CLASP2: variants seen among roughly 807,000 people sequenced by gnomAD.
CLASP2 encodes the protein cytoplasmic linker associated protein 2, also known as CLIP-associating protein 2.
In CLASP2, 47 loss-of-function variants were observed where a neutral mutation model predicts 194.4. That is an observed-to-expected ratio of 0.24 (90% CI 0.19 to 0.31). The LOEUF (loss-of-function observed/expected upper bound fraction) is 0.31, where lower values mean the gene tolerates loss of function less well. Ranked by LOEUF, CLASP2 falls within the 10% of genes least tolerant of loss-of-function variation. The pLI is 1.00. For missense variants in CLASP2, 1,445 were observed against 1,823.6 expected, an observed-to-expected ratio of 0.79 and a Z score of 3.78; for synonymous variants, 619 against 633.5, an observed-to-expected ratio of 0.98 and a Z score of 0.34.
At position 33,496,250 on chromosome 3, in the gene CLASP2, C is replaced by A. The variant is rs1038372474; in HGVS notation, c.*2381G>T. 6.6e-6 allele frequency: 1 copy of A among 152,128 alleles called. No homozygotes were observed. The highest frequency in any genetic ancestry group is 2.4e-5 in the African/African-American group (1 of 41,434). 9.4% of individuals were successfully genotyped at this position (152,128 alleles called of 1,614,324 possible). ...ACCCAGAAGAAATAAACATGTTTTA[C>A]AATCTGGAATATATAATTTTAATTA... On this transcript the variant is annotated 3_prime_UTR_variant, in exon 39 of 39. Coordinates refer to ENST00000682230, the MANE Select transcript of CLASP2 (RefSeq NM_001365631.1).
intron 6 of CLASP2, among the ~76,000 whole-genome samples, chr3:33,672,650 C>T (rs1482135436): frequency 6.6e-6 from 1 of 152,054 alleles, no homozygotes. Flanking sequence ...TTATGAGCTA[C>T]AGGAGGAAAT....
At chr3:33,716,715 T>C (rs1439571635) in intron 1 of CLASP2, among the ~76,000 whole-genome samples, 1 of 152,184 alleles carries the variant, frequency 6.6e-6, no homozygotes, top group African/African-American at 2.4e-5. Context: ...AATCAAGAGA[T>C]GGTATGTAAT....
intron 37 of CLASP2, among the ~76,000 whole-genome samples, chr3:33,508,856 T>A (rs967174656): frequency 6.6e-6 from 1 of 152,226 alleles, no homozygotes; most frequent in Admixed American, 6.5e-5. Flanking sequence ...TAAAATTTGA[T>A]GTATTTTAAT....
intron 7 of CLASP2, chr3:33,659,767 C>CA (rs1169596097): frequency 6.6e-6 from 1 of 152,222 alleles, no homozygotes. Flanking sequence ...CAACCATCAG[C>CA]ACATTGTCAA....
chr3:33,692,257 G>T (rs2091435462), intron 2 of CLASP2, among the ~76,000 whole-genome samples: 1 of 152,088 alleles, frequency 6.6e-6, no homozygotes, highest in African/African-American at 2.4e-5. Flanking sequence ...TATAATTTGA[G>T]GTGTTTGAGT....
At chr3:33,677,632 C>G (rs2088987974) in intron 6 of CLASP2, among the ~76,000 whole-genome samples, 1 of 149,440 alleles carries the variant, frequency 6.7e-6, no homozygotes, top group African/African-American at 2.5e-5. Context: ...TGCAGCACAC[C>G]AGCATGTCAC....
intron 6 of CLASP2, among the ~76,000 whole-genome samples, chr3:33,670,281 A>G (rs545546351): frequency 6.6e-6 from 1 of 152,152 alleles, no homozygotes; most frequent in Non-Finnish European, 1.5e-5. Context: ...AAACATTTAA[A>G]AGGATTTGAA....
chr3:33,625,807 T>C (rs1277385294), intron 10 of CLASP2, among the ~76,000 whole-genome samples: 1 of 151,984 alleles, frequency 6.6e-6, no homozygotes, highest in South Asian at 2.1e-4. Context: ...CAAAAGTTTG[T>C]TTCTTTAATA....
At chr3:33,662,101 T>C (rs1031370651) in intron 7 of CLASP2, among the ~76,000 whole-genome samples, 3 of 152,176 alleles carry the variant, frequency 2.0e-5, no homozygotes, top group South Asian at 4.1e-4. Flanking sequence ...TCCCTGTTTA[T>C]GGAGTGATAA....
At chr3:33,651,373 A>G (rs1559532360) in intron 7 of CLASP2, among the ~76,000 whole-genome samples, 1 of 132,922 alleles carries the variant, frequency 7.5e-6, no homozygotes, top group Non-Finnish European at 1.6e-5. Flanking sequence ...ACAGAGCGAG[A>G]TCCTGTCTCA....
At position 33,704,195 on chromosome 3, in the gene CLASP2, TAGAG is replaced by T. The variant is rs111873332; in HGVS notation, c.196-7266_196-7263del. Among the ~76,000 whole-genome samples the T allele has an allele frequency of 7.2e-3, 1,101 of 152,292 alleles. 13 individuals are homozygous for T. Among genetic ancestry groups the T allele is most frequent in the African/African-American group, 0.025 (1,041 of 41,554 alleles). On this transcript the variant is annotated intron_variant, in intron 1 of 38. Transcript: ENST00000682230. ...CAAAACCTATAGCATGTACAACACT[TAGAG>T]TGAAGCCTAATGTAAACTGTGGACC...
At position 33,684,374 on chromosome 3, in the gene CLASP2, C is replaced by T. The variant is rs78304223; in HGVS notation, c.629G>A (p.Gly210Glu). Reference sequence around the variant, plus strand: ...CAAGACTTACCTAGCAGGGGGAATTCCTCTCTTATAAAGATCCATCCTCAC... The same window carrying T: ...CAAGACTTACCTAGCAGGGGGAATTTCTCTCTTATAAAGATCCATCCTCAC... ...EKVRMDLYKR[G>E]IPPARLEMIF... Residue 210 changes from glycine (G) to glutamate (E), a missense_variant, in exon 6 of 39, where the codon GGA becomes GAA. By Grantham distance (98) the Gly-to-Glu change is moderately conservative (BLOSUM62 -2). Transcript: ENST00000682230. 8.7e-3 allele frequency: 13,833 copies of T among 1,585,672 alleles called. 88 individuals carry two copies. The highest frequency in any genetic ancestry group is 1.0e-2 in the Non-Finnish European group (11,663 of 1,166,506).
intron 6 of CLASP2, among the ~76,000 whole-genome samples, chr3:33,673,379 G>A (rs1575481650): frequency 6.6e-6 from 1 of 152,126 alleles, no homozygotes; most frequent in Admixed American, 6.5e-5. Context: ...ATACTTTACA[G>A]ACAAGCAAAT....
chr3:33,634,871 C>T (rs992770452), intron 8 of CLASP2, among the ~76,000 whole-genome samples: 5 of 152,012 alleles, frequency 3.3e-5, no homozygotes, highest in Non-Finnish European at 5.9e-5. Context: ...ATACAAAAAT[C>T]GATTTCATTG....
intron 18 of CLASP2, among the ~76,000 whole-genome samples, chr3:33,600,816 G>A (rs1047089757): frequency 1.3e-5 from 2 of 151,940 alleles, no homozygotes; most frequent in African/African-American, 4.8e-5. Context: ...TGCTAATAAC[G>A]TTATTAAAAA....
intron 10 of CLASP2, among the ~76,000 whole-genome samples, chr3:33,626,331 T>G (rs1391964504): frequency 6.6e-6 from 1 of 152,118 alleles, no homozygotes; most frequent in East Asian, 1.9e-4. Flanking sequence ...TCTTGAAAAC[T>G]CTGAGGTACT....
At chr3:33,665,277 A>G (rs1266128347) in intron 6 of CLASP2, among the ~76,000 whole-genome samples, 1 of 152,184 alleles carries the variant, frequency 6.6e-6, no homozygotes, top group African/African-American at 2.4e-5. Context: ...AAGGTAAGGC[A>G]GATAATACAT....
chr3:33,605,955 A>C (rs1345165196), intron 16 of CLASP2, among the ~76,000 whole-genome samples: 2 of 152,272 alleles, frequency 1.3e-5, no homozygotes, highest in East Asian at 3.9e-4. Context: ...GGAAATCTGC[A>C]GATACATGGC....
At chr3:33,577,557 T>TA (rs561421765) in intron 23 of CLASP2, among the ~76,000 whole-genome samples, 183 of 148,290 alleles carry the variant, frequency 1.2e-3, no homozygotes, top group African/African-American at 2.1e-3. Flanking sequence ...CATTATAGTG[T>TA]AAAAAAAAAA....
Sources: gnomAD v4.1 joint callset for allele counts (sites outside exome capture counted in the v4.1 genomes callset) on GRCh38, gnomAD v4.1.1 for gene constraint, MANE v1.5 for transcripts, NCBI Gene and HGNC (gene_info 2026-07-23, HGNC 2026-07-21) for gene names.